LRP1B: variants seen among roughly 807,000 people sequenced by gnomAD.
The protein encoded by LRP1B is LDL receptor related protein 1B, also known as low-density lipoprotein receptor-related protein 1B.
LRP1B carries 217 observed loss-of-function variants against 556.6 expected under a neutral mutation model. That is an observed-to-expected ratio of 0.39 (90% CI 0.35 to 0.44). LRP1B has a LOEUF of 0.44. Ranked by LOEUF, LRP1B falls within the 20% of genes least tolerant of loss-of-function variation. LRP1B has a pLI of 1.00. For synonymous variants in LRP1B, 2,047 were observed against 1,865.8 expected, an observed-to-expected ratio of 1.10 and a Z score of -2.50; for missense variants, 5,053 against 5,620.8, an observed-to-expected ratio of 0.90 and a Z score of 3.23.
chr2:141,634,966 G>T (rs1689055484), intron 2 of LRP1B, among the ~76,000 whole-genome samples: 1 of 151,362 alleles, frequency 6.6e-6, no homozygotes, highest in Non-Finnish European at 1.5e-5. Context: ...GACAGTTGAA[G>T]GTATCCCTAA....
chr2:140,338,361 T>G (rs1428346176), intron 77 of LRP1B, among the ~76,000 whole-genome samples: 1 of 151,698 alleles, frequency 6.6e-6, no homozygotes, highest in Non-Finnish European at 1.5e-5. Context: ...TTATTTATTT[T>G]CAACACTGAA....
intron 2 of LRP1B, among the ~76,000 whole-genome samples, chr2:141,692,207 T>C (rs924579311): frequency 6.6e-6 from 1 of 152,008 alleles, no homozygotes; most frequent in African/African-American, 2.4e-5. Context: ...ATAAATTCAC[T>C]CCTCTACATA....
intron 3 of LRP1B, among the ~76,000 whole-genome samples, chr2:141,443,197 T>G (rs945998182): frequency 1.1e-4 from 16 of 152,358 alleles, no homozygotes; most frequent in African/African-American, 3.6e-4. Context: ...TGAGCTTTTT[T>G]TCATATGTTT....
At chr2:141,315,950 G>GGCTTTGTATTTTT (rs1687018706) in intron 3 of LRP1B, among the ~76,000 whole-genome samples, 1 of 60,956 alleles carries the variant, frequency 1.6e-5, no homozygotes, top group Non-Finnish European at 3.2e-5. Context: ...CAGGCTTTAT[G>GGCTTTGTATTTTT]GCTTTGTATT....
intron 2 of LRP1B, among the ~76,000 whole-genome samples, chr2:141,590,951 A>T (rs1263722723): frequency 6.6e-6 from 1 of 152,048 alleles, no homozygotes; most frequent in Non-Finnish European, 1.5e-5. Flanking sequence ...ATCTTTTTTA[A>T]AAGTCTTTGA....
chr2:141,815,876 C>T (rs1558895052), intron 1 of LRP1B, among the ~76,000 whole-genome samples: 2 of 151,192 alleles, frequency 1.3e-5, no homozygotes, highest in African/African-American at 2.4e-5. Context: ...TTGAAGTCAG[C>T]GAGACCGTGA....
intron 43 of LRP1B, among the ~76,000 whole-genome samples, chr2:140,593,626 C>A (rs2105173552): frequency 6.6e-6 from 1 of 151,976 alleles, no homozygotes; most frequent in East Asian, 1.9e-4. Context: ...CAGAAAAACC[C>A]AGCCAATCAT....
chr2:140,280,165 C>G (rs117058432), intron 84 of LRP1B, among the ~76,000 whole-genome samples: 2,741 of 151,884 alleles, frequency 0.018, 41 homozygotes, highest in Non-Finnish European at 0.023. Flanking sequence ...CTTCTACTTT[C>G]TAATACAGAT....
intron 52 of LRP1B, among the ~76,000 whole-genome samples, chr2:140,507,638 A>G (rs554411255): frequency 6.6e-6 from 1 of 152,348 alleles, no homozygotes; most frequent in African/African-American, 2.4e-5. Flanking sequence ...TAACTAGTGC[A>G]GAGAAAGAAA....
intron 7 of LRP1B, among the ~76,000 whole-genome samples, chr2:141,110,530 G>C (rs1405411004): frequency 3.3e-5 from 5 of 152,098 alleles, no homozygotes; most frequent in African/African-American, 1.2e-4. Flanking sequence ...TAATTTAATA[G>C]GGAAAAGCGA....
chr2:140,502,767 T>C (rs1689251549), intron 54 of LRP1B, among the ~76,000 whole-genome samples, 196 bp downstream of exon 54: 1 of 152,020 alleles, frequency 6.6e-6, no homozygotes, highest in South Asian at 2.1e-4. Context: ...AATCTTTATA[T>C]TTTTGGCACA....
intron 77 of LRP1B, among the ~76,000 whole-genome samples, chr2:140,345,761 T>C (rs825434): frequency 0.35 from 46,285 of 131,696 alleles, 8,203 homozygotes; most frequent in Non-Finnish European, 0.42. Flanking sequence ...CATATATACA[T>C]ATATACACAT....
At chr2:140,463,004 G>A (rs1214185963) in intron 60 of LRP1B, among the ~76,000 whole-genome samples, 10 of 152,022 alleles carry the variant, frequency 6.6e-5, no homozygotes, top group Non-Finnish European at 2.9e-5. Context: ...GTAGCATAGT[G>A]TGAAAAACAA....
chr2:141,148,150 C>A (rs1470531191), intron 7 of LRP1B, among the ~76,000 whole-genome samples: 16 of 152,160 alleles, frequency 1.1e-4, no homozygotes, highest in Non-Finnish European at 1.9e-4. Flanking sequence ...GGAATAGTCT[C>A]AATTCTAGTA....
chr2:141,608,362 A>G (rs1687990782), intron 2 of LRP1B, among the ~76,000 whole-genome samples: 1 of 152,240 alleles, frequency 6.6e-6, no homozygotes. Flanking sequence ...AAAAGACACG[A>G]TTGGTGGTAA....
chr2:140,519,867 C>T (rs1456487588), intron 49 of LRP1B, among the ~76,000 whole-genome samples: 1 of 152,182 alleles, frequency 6.6e-6, no homozygotes, highest in Non-Finnish European at 1.5e-5. Context: ...AAAAAATGCT[C>T]ATCATCCACT....
chr2:140,993,907 T>C, intron 16 of LRP1B, 88 bp downstream of exon 16: 1 of 1,351,844 alleles, frequency 7.4e-7, no homozygotes, highest in South Asian at 1.3e-5. Flanking sequence ...TCAAAGGTAT[T>C]TTCAGATTGT....
At chr2:140,826,443 A>C (rs1573770168) in intron 31 of LRP1B, among the ~76,000 whole-genome samples, 1 of 152,286 alleles carries the variant, frequency 6.6e-6, no homozygotes, top group Non-Finnish European at 1.5e-5. Flanking sequence ...GCAGAAGAGA[A>C]GCCAGATGGC....
intron 11 of LRP1B, among the ~76,000 whole-genome samples, chr2:141,040,528 A>T (rs2105430762): frequency 6.6e-6 from 1 of 152,136 alleles, no homozygotes; most frequent in African/African-American, 2.4e-5. Context: ...ACATCCTGTA[A>T]TCTGCTGTAT....
Sources: gnomAD v4.1 joint callset for allele counts (sites outside exome capture counted in the v4.1 genomes callset) on GRCh38, gnomAD v4.1.1 for gene constraint, MANE v1.5 for transcripts, NCBI Gene and HGNC (gene_info 2026-07-23, HGNC 2026-07-21) for gene names.